Variants in RAPGEF4 observed in about 807,000 individuals in gnomAD.
RAPGEF4 encodes Rap guanine nucleotide exchange factor 4, also known as RAP guanine-nucleotide-exchange factor (GEF) 4.
In RAPGEF4, 66 loss-of-function variants were observed where a neutral mutation model predicts 147.9. The observed-to-expected ratio is 0.45, with a 90% CI of 0.37 to 0.55. The LOEUF is 0.55. RAPGEF4 is among the 20% of genes least tolerant of loss of function. The pLI is 0.00. For synonymous variants in RAPGEF4, 419 were observed against 442.7 expected, an observed-to-expected ratio of 0.95 and a Z score of 0.67; for missense variants, 1,071 against 1,257.3, an observed-to-expected ratio of 0.85 and a Z score of 2.24.
chr2:173,044,076 G>A (rs1685110449), intron 29 of RAPGEF4, among the ~76,000 whole-genome samples: 1 of 152,192 alleles, frequency 6.6e-6, no homozygotes, highest in Non-Finnish European at 1.5e-5. Context: ...GAGCAGCGCT[G>A]TCTTATAGGC....
chr2:172,888,272 C>G, intron 4 of RAPGEF4, among the ~76,000 whole-genome samples: 1 of 152,158 alleles, frequency 6.6e-6, no homozygotes, highest in South Asian at 2.1e-4. Flanking sequence ...CTTTCACCTC[C>G]CAGATGGGGA....
chr2:172,940,585 C>T (rs916820886), intron 6 of RAPGEF4, among the ~76,000 whole-genome samples: 6 of 152,106 alleles, frequency 3.9e-5, no homozygotes, highest in African/African-American at 9.7e-5. Flanking sequence ...TAAGTAGATG[C>T]CGTTATGTTT....
At chr2:172,768,224 A>G (rs1382611251) in intron 1 of RAPGEF4, among the ~76,000 whole-genome samples, 4 of 152,200 alleles carry the variant, frequency 2.6e-5, no homozygotes, top group African/African-American at 9.6e-5. Flanking sequence ...ATTAAAGTCA[A>G]GGAGGGAGCT....
At chr2:172,959,967 C>T (rs528394828) in intron 6 of RAPGEF4, among the ~76,000 whole-genome samples, 1 of 152,150 alleles carries the variant, frequency 6.6e-6, no homozygotes, top group African/African-American at 2.4e-5. Context: ...AGCCTGTAGT[C>T]CTAGGTGCTT....
intron 17 of RAPGEF4, among the ~76,000 whole-genome samples, chr2:173,010,422 G>C (rs1266711381): frequency 2.0e-5 from 3 of 152,164 alleles, no homozygotes; most frequent in African/African-American, 7.2e-5. Flanking sequence ...ATGAGTCATG[G>C]CCTTATTCAA....
At chr2:172,983,356 G>A (rs1691883595) in intron 10 of RAPGEF4, 140 bp from the exon 11 acceptor site, 1 of 1,448,706 alleles carries the variant, frequency 6.9e-7, no homozygotes, top group Non-Finnish European at 9.1e-7. Context: ...CATTATACTG[G>A]TGCAACCTCT....
chr2:172,951,895 G>A (rs1688245281), intron 6 of RAPGEF4, among the ~76,000 whole-genome samples: 1 of 152,176 alleles, frequency 6.6e-6, no homozygotes, highest in Non-Finnish European at 1.5e-5. Flanking sequence ...GGGATGGCAG[G>A]GGATGGAAGC....
At chr2:172,883,265 C>A (rs1559096011) in intron 4 of RAPGEF4, among the ~76,000 whole-genome samples, 1 of 152,184 alleles carries the variant, frequency 6.6e-6, no homozygotes, top group Non-Finnish European at 1.5e-5. Context: ...TTGCGGCTAT[C>A]GAGGGCCTTC....
At position 172,996,433 on chromosome 2, in the gene RAPGEF4, GA is replaced by G. The variant is rs750747455; in HGVS notation, c.1491-28del. 19 of 1,341,248 alleles carry G rather than the reference GA, an allele frequency of 1.4e-5. No homozygotes were observed. The South Asian group carries it at 2.5e-4, about 18-fold the overall frequency. The allele number at this position is 1,341,248 out of a possible 1,614,324, so 83.1% of individuals were successfully genotyped here. A position where few individuals can be genotyped will look rare whatever the true frequency, so the allele number is the denominator to read the frequency against. On this transcript the variant is annotated intron_variant, in intron 15 of 30. Coordinates refer to ENST00000397081, the MANE Select transcript of RAPGEF4 (RefSeq NM_007023.4). ...TTTTTTTAATGATTTGCCCACTTTT[GA>G]AAAATTAATGGCATTTTTGTTTCTT...
At chr2:172,803,648 G>C (rs1051351536) in intron 3 of RAPGEF4, among the ~76,000 whole-genome samples, 5 of 152,168 alleles carry the variant, frequency 3.3e-5, no homozygotes, top group Admixed American at 2.0e-4. Context: ...GCAAATTTCT[G>C]TAGCTGGCTT....
chr2:172,983,445 C>A (rs1472950247), intron 10 of RAPGEF4, 51 bp from the exon 11 acceptor site: 1 of 1,573,102 alleles, frequency 6.4e-7, no homozygotes, highest in Non-Finnish European at 8.5e-7. Context: ...ATGTTTGAGG[C>A]CCTAGTGATG....
At chr2:172,827,485 A>G (rs1689796457) in intron 4 of RAPGEF4, among the ~76,000 whole-genome samples, 1 of 151,944 alleles carries the variant, frequency 6.6e-6, no homozygotes, top group Non-Finnish European at 1.5e-5. Flanking sequence ...CTTCCTTTAC[A>G]TTAACCTCTT....
intron 16 of RAPGEF4, among the ~76,000 whole-genome samples, chr2:172,997,683 A>C (rs916616467): frequency 1.3e-5 from 2 of 152,102 alleles, no homozygotes; most frequent in African/African-American, 4.8e-5. Flanking sequence ...TGTCTCTCAG[A>C]ATAATGTTGT....
At position 172,931,175 on chromosome 2, in the gene RAPGEF4, G is replaced by GGA. The variant is rs1553533409; in HGVS notation, c.537+8876_537+8877insAG. Among the ~76,000 whole-genome samples, 3 of 108,014 alleles carry GGA rather than the reference G, an allele frequency of 2.8e-5. 1 individual carries two copies. Among genetic ancestry groups the GGA allele is most frequent in the African/African-American group, 9.7e-5 (3 of 31,020 alleles). The allele number at this position is 108,014 out of a possible 152,430, so 70.9% of individuals were successfully genotyped here. A position where few individuals can be genotyped will look rare whatever the true frequency, so the allele number is the denominator to read the frequency against. On this transcript the variant is annotated intron_variant, in intron 6 of 30. Coordinates refer to ENST00000397081, the MANE Select transcript of RAPGEF4 (RefSeq NM_007023.4). ...GTAAGATCAAGCCAGGCCGGGGTGGGGGGGGGGGGCGCTGGGGGGCGGGGG... is the reference window on the plus strand; with the variant it reads ...GTAAGATCAAGCCAGGCCGGGGTGGGGAGGGGGGGGGCGCTGGGGGGCGGGGG...
chr2:172,922,436 C>A, intron 6 of RAPGEF4, 136 bp downstream of exon 6: 2 of 875,642 alleles, frequency 2.3e-6, no homozygotes, highest in Non-Finnish European at 1.8e-6. Flanking sequence ...CTCATTCTGG[C>A]ATCTTTGGCA....
rs1686366056 is a variant in RAPGEF4, at chr2:173,052,742, C to T, written c.*975C>T. On this transcript the variant is annotated 3_prime_UTR_variant, in exon 31 of 31. Transcript: ENST00000397081. ...TAATAGATACTGTGCCAAATAATTA[C>T]TTTTTATTTATTTTATTTAGTACGT... The T allele has an allele frequency of 6.6e-6, 1 of 152,472 alleles. No homozygotes were observed. Among genetic ancestry groups the T allele is most frequent in the Non-Finnish European group, 1.5e-5 (1 of 68,008 alleles). The allele number at this position is 152,472 out of a possible 1,614,324, so 9.4% of individuals were successfully genotyped here. A position where few individuals can be genotyped will look rare whatever the true frequency, so the allele number is the denominator to read the frequency against.
intron 3 of RAPGEF4, among the ~76,000 whole-genome samples, chr2:172,810,520 A>T (rs1358236806): frequency 1.3e-5 from 2 of 152,332 alleles, no homozygotes; most frequent in South Asian, 2.1e-4. Context: ...TTTTAGAAGG[A>T]GGAGAAGGAG....
At position 172,964,198 on chromosome 2, in the gene RAPGEF4, C is replaced by T. The variant is rs112210958; in HGVS notation, c.699-1364C>T. Among the ~76,000 whole-genome samples, 920 of 151,872 alleles carry T rather than the reference C, an allele frequency of 6.1e-3. 12 individuals are homozygous for T. Among genetic ancestry groups the T allele is most frequent in the African/African-American group, 0.021 (878 of 41,418 alleles). On this transcript the variant is annotated intron_variant, in intron 8 of 30. Transcript: ENST00000397081. ...AAGTAGGTGACTGTGCCCACTGAAG[C>T]TCTAATGTGCGGGTATAGACTGTAA...
At chr2:173,021,933 T>A (rs1290486982) in intron 23 of RAPGEF4, among the ~76,000 whole-genome samples, 1 of 152,202 alleles carries the variant, frequency 6.6e-6, no homozygotes, top group Non-Finnish European at 1.5e-5. Context: ...TCACCTTTCC[T>A]CAATCACCAG....
Sources: gnomAD v4.1 joint callset for allele counts (sites outside exome capture counted in the v4.1 genomes callset) on GRCh38, gnomAD v4.1.1 for gene constraint, MANE v1.5 for transcripts, NCBI Gene and HGNC (gene_info 2026-07-23, HGNC 2026-07-21) for gene names.